LIN9: variants seen among roughly 807,000 people sequenced by gnomAD.
The protein encoded by LIN9 is lin-9 DREAM MuvB core complex component.
LIN9 carries 18 observed loss-of-function variants against 78.0 expected under a neutral mutation model. The ratio of observed to expected loss-of-function variants is 0.23; its 90% CI spans 0.16 to 0.34. The LOEUF (loss-of-function observed/expected upper bound fraction) is 0.34, where lower values mean the gene tolerates loss of function less well. LIN9 is among the 10% of genes least tolerant of loss of function. The pLI is 1.00. For synonymous variants in LIN9, 192 were observed against 215.2 expected (o/e 0.89, Z 0.94); for missense variants, 451 against 644.1 (o/e 0.70, Z 3.25).
chr1:226,245,716 G>C (rs562329788), intron 11 of LIN9, among the ~76,000 whole-genome samples: 106 of 151,988 alleles, frequency 7.0e-4, no homozygotes, highest in Non-Finnish European at 1.1e-3. Flanking sequence ...TCCTGCCTCA[G>C]CCTCCTGCGT....
chr1:226,307,310 T>C (rs926195222), intron 1 of LIN9, among the ~76,000 whole-genome samples: 8 of 152,236 alleles, frequency 5.3e-5, no homozygotes, highest in African/African-American at 1.7e-4. Flanking sequence ...CTGTGCTTAG[T>C]AGGTCCACAC....
At chr1:226,250,344 C>T (rs1658754687) in intron 11 of LIN9, among the ~76,000 whole-genome samples, 1 of 152,146 alleles carries the variant, frequency 6.6e-6, no homozygotes, top group African/African-American at 2.4e-5. Context: ...CCTGCCATTA[C>T]AACTTCCTTG....
chr1:226,232,216 C>G lies in LIN9; in HGVS notation c.*285G>C. The G allele has an allele frequency of 2.5e-6, 1 of 400,546 alleles. No individual in the cohort carries two copies. Among genetic ancestry groups the G allele is most frequent in the Non-Finnish European group, 4.4e-6 (1 of 227,288 alleles). 24.8% of individuals were successfully genotyped at this position (400,546 alleles called of 1,614,324 possible). A position where few individuals can be genotyped will look rare whatever the true frequency, so the allele number is the denominator to read the frequency against. On this transcript the variant is annotated 3_prime_UTR_variant, in exon 15 of 15. Transcript: ENST00000681046. ...AAAAAATGGTCAATGTATTCTTCCA[C>G]GAAATTATATTATGTTCAGATATTT... is the stretch of plus-strand genomic sequence containing the variant.
chr1:226,277,716 A>C, intron 7 of LIN9, 59 bp downstream of exon 7: 1 of 1,455,102 alleles, frequency 6.9e-7, no homozygotes, highest in Non-Finnish European at 9.4e-7. Context: ...AAGAAACAAA[A>C]AAGATTACCT....
At chr1:226,240,453 A>T (rs1658038487) in intron 11 of LIN9, among the ~76,000 whole-genome samples, 1 of 146,758 alleles carries the variant, frequency 6.8e-6, no homozygotes, top group South Asian at 2.1e-4. Flanking sequence ...CAATGACGTG[A>T]TCTCCGCTCA....
intron 10 of LIN9, among the ~76,000 whole-genome samples, chr1:226,259,967 C>T (rs944482331): frequency 6.7e-6 from 1 of 149,588 alleles, no homozygotes; most frequent in Non-Finnish European, 1.5e-5. Flanking sequence ...ATCAACAAAA[C>T]CAAAAGCTGG....
rs542260668 is a variant in LIN9 at position 226,284,511 on chromosome 1, G to A, written c.524+1822C>T. On this transcript the variant is annotated intron_variant, in intron 6 of 14. Coordinates refer to ENST00000681046, the MANE Select transcript of LIN9 (RefSeq NM_001366245.2). ...GGCTGAGGTGGGTGGATCACCTGAG[G>A]TCAGGAGTTCAAAACCAGCCTGGCC... 1.3e-4 allele frequency among the ~76,000 whole-genome samples: 20 copies of A among 152,214 alleles called. No homozygotes were observed. The South Asian group carries it at 3.5e-3, about 27-fold the overall frequency.
intron 7 of LIN9, among the ~76,000 whole-genome samples, chr1:226,269,602 T>C (rs1181647096): frequency 6.6e-6 from 1 of 152,146 alleles, no homozygotes; most frequent in Non-Finnish European, 1.5e-5. Flanking sequence ...ATGGTTTTAT[T>C]AGTTCAGGGT....
intron 4 of LIN9, among the ~76,000 whole-genome samples, chr1:226,290,501 C>T (rs540478729): frequency 2.8e-4 from 43 of 151,322 alleles, no homozygotes; most frequent in Middle Eastern, 3.4e-3. Context: ...CCACCACGCC[C>T]GGCTAATTTT....
intron 4 of LIN9, among the ~76,000 whole-genome samples, chr1:226,291,344 C>T (rs1017637781): frequency 1.3e-5 from 2 of 151,976 alleles, no homozygotes; most frequent in Non-Finnish European, 2.9e-5. Context: ...AATCAATCAA[C>T]ATGGCCAGAT....
chr1:226,232,366 T>C lies in LIN9; in HGVS notation c.*135A>G, dbSNP rs369824298. The stretch of plus-strand genomic sequence containing the variant: ...CTGGTTTAAGAAGCAGTACAGTCTA[T>C]TAAAATGCCTTATTTGGAGATTTAA... On this transcript the variant is annotated 3_prime_UTR_variant, in exon 15 of 15. Coordinates refer to ENST00000681046, the MANE Select transcript of LIN9 (RefSeq NM_001366245.2). 2 of 559,368 alleles carry C rather than the reference T, an allele frequency of 3.6e-6. No homozygotes were observed. The highest frequency in any genetic ancestry group is 2.9e-5 in the East Asian group (1 of 33,994). The allele number at this position is 559,368 out of a possible 1,614,324, so 34.7% of individuals were successfully genotyped here.
intron 1 of LIN9, among the ~76,000 whole-genome samples, chr1:226,308,154 A>G (rs917822630): frequency 2.0e-5 from 3 of 152,226 alleles, no homozygotes; most frequent in African/African-American, 7.2e-5. Flanking sequence ...TGGATTCAGG[A>G]CTTTTTTTTG....
intron 13 of LIN9, 41 bp downstream of exon 13, chr1:226,233,303 G>A: frequency 6.4e-7 from 1 of 1,558,866 alleles, no homozygotes; most frequent in Non-Finnish European, 8.8e-7. Flanking sequence ...AGCGTGGGTT[G>A]CTTTGTGTCA....
chr1:226,309,467 C>T (rs982399134), upstream of LIN9: 24 of 1,100,756 alleles, frequency 2.2e-5, no homozygotes, highest in Admixed American at 5.7e-5. Flanking sequence ...GCCCGGGCCC[C>T]GCTCCCGGCG....
chr1:226,300,065 A>C (rs1371441721), intron 2 of LIN9, among the ~76,000 whole-genome samples: 1 of 151,886 alleles, frequency 6.6e-6, no homozygotes, highest in African/African-American at 2.4e-5. Flanking sequence ...CAGCCTCTCA[A>C]GTAGCTGGGA....
At chr1:226,269,848 T>C (rs748279181) in intron 7 of LIN9, among the ~76,000 whole-genome samples, 2 of 152,190 alleles carry the variant, frequency 1.3e-5, no homozygotes, top group Non-Finnish European at 2.9e-5. Context: ...CCAACTCACA[T>C]ATAAATCAAT....
upstream of LIN9, chr1:226,309,675 C>T (rs920386236): frequency 3.9e-6 from 5 of 1,282,886 alleles, no homozygotes; most frequent in African/African-American, 4.6e-5. Context: ...TCACTTTTCC[C>T]GAGACCGCCG....
chr1:226,273,008 T>G (rs908157214), intron 7 of LIN9, among the ~76,000 whole-genome samples: 1 of 152,144 alleles, frequency 6.6e-6, no homozygotes, highest in African/African-American at 2.4e-5. Flanking sequence ...CAACACACTA[T>G]GTAGCCCAGG....
chr1:226,303,720 C>A (rs981186903), intron 1 of LIN9, among the ~76,000 whole-genome samples: 12 of 152,228 alleles, frequency 7.9e-5, no homozygotes, highest in African/African-American at 2.7e-4. Context: ...ATTCTCCCCA[C>A]CTCAGCCTTC....
Sources: gnomAD v4.1 joint callset for allele counts (sites outside exome capture counted in the v4.1 genomes callset) on GRCh38, gnomAD v4.1.1 for gene constraint, MANE v1.5 for transcripts, NCBI Gene and HGNC (gene_info 2026-07-23, HGNC 2026-07-21) for gene names.